The following ZBTB16 variants were observed in gnomAD, a reference collection of about 807,000 sequenced individuals.
ZBTB16 encodes the protein zinc finger and BTB domain-containing protein 16.
ZBTB16 carries 8 observed loss-of-function variants against 56.8 expected under a neutral mutation model. The observed-to-expected ratio is 0.14, with a 90% confidence interval of 0.08 to 0.25. ZBTB16 has a LOEUF of 0.25. Ranked by LOEUF, ZBTB16 falls within the 10% of genes least tolerant of loss-of-function variation. The pLI, the probability that ZBTB16 is intolerant of heterozygous loss-of-function variation, is 1.00. For missense variants in ZBTB16, 625 were observed against 903.0 expected (o/e 0.69, Z 3.95); for synonymous variants, 363 against 368.5 (o/e 0.98, Z 0.17).
intron 2 of ZBTB16, among the ~76,000 whole-genome samples, chr11:114,141,310 T>C (rs1034207868): frequency 6.6e-6 from 1 of 152,172 alleles, no homozygotes; most frequent in Admixed American, 6.5e-5. Context: ...TCTCACCATA[T>C]CCTCAGACCG....
In ZBTB16 at chr11:114,110,011, A is replaced by G. The variant is rs74913651; in HGVS notation, c.1268+45443A>G. Reference sequence around the variant, plus strand: ...TTCAACTCCTTTGAGGGCCTTCAACATCTATTTAACGTTGTAACATTTTGA... The same window carrying G: ...TTCAACTCCTTTGAGGGCCTTCAACGTCTATTTAACGTTGTAACATTTTGA... On this transcript the variant is annotated intron_variant, in intron 2 of 6. Coordinates refer to ENST00000335953, the MANE Select transcript of ZBTB16 (RefSeq NM_006006.6). 7.5e-3 allele frequency among the ~76,000 whole-genome samples: 1,148 copies of G among 152,204 alleles called. 15 individuals are homozygous for G. The highest frequency in any genetic ancestry group is 0.025 in the African/African-American group (1,026 of 41,526).
intron 4 of ZBTB16, among the ~76,000 whole-genome samples, chr11:114,195,448 G>T (rs1456449248): frequency 6.6e-6 from 1 of 152,174 alleles, no homozygotes. Context: ...ATGGGCAAAT[G>T]ACTGCCTGGG....
intron 2 of ZBTB16, among the ~76,000 whole-genome samples, chr11:114,094,761 A>C (rs1008661168): frequency 1.3e-5 from 2 of 152,240 alleles, no homozygotes; most frequent in African/African-American, 4.8e-5. Context: ...TTTGCCCCTC[A>C]ATCAGAGGCA....
At chr11:114,134,215 T>C (rs1488963692) in intron 2 of ZBTB16, among the ~76,000 whole-genome samples, 2 of 152,222 alleles carry the variant, frequency 1.3e-5, no homozygotes, top group Non-Finnish European at 1.5e-5. Flanking sequence ...CTGGTGTTTG[T>C]CTTGGCGCCA....
rs528657585 is a variant in ZBTB16 at position 114,250,420 on chromosome 11, C to T, written c.1887C>T (p.Pro629=). 6.2e-7 allele frequency: 1 copy of T among 1,614,168 alleles called. No homozygotes were observed. Among genetic ancestry groups the T allele is most frequent in the East Asian group, 2.2e-5 (1 of 44,864 alleles). The change falls in exon 7 of 7, where the codon CCC becomes CCT. Residue 629 remains proline (P), a synonymous_variant. Transcript: ENST00000335953. The surrounding 1 kb of genome is among the most constrained non-coding windows in gnomAD (Gnocchi z 6.0). ...TGAGAACGCACAACGGCGCCTCGCC[C>T]TACCAGTGCACCATCTGCACAGAGT... ...KHLRTHNGAS[P]YQCTICTEYC... is the part of the protein sequence containing the mutation.
chr11:114,246,442 T>C (rs1374577614), intron 5 of ZBTB16, among the ~76,000 whole-genome samples: 1 of 151,406 alleles, frequency 6.6e-6, no homozygotes, highest in Non-Finnish European at 1.5e-5. Context: ...TTAAGTTTGT[T>C]GCCATGATCA....
At chr11:114,148,782 C>T (rs1361255278) in intron 2 of ZBTB16, among the ~76,000 whole-genome samples, 4 of 151,832 alleles carry the variant, frequency 2.6e-5, no homozygotes, top group Non-Finnish European at 4.4e-5. Context: ...CGTGAGCCAC[C>T]GCGCCCGCCT....
rs1944945559 is a variant in ZBTB16 at position 114,253,160 on chromosome 11, T to A, written c.*2605T>A. Among the ~76,000 whole-genome samples, 1 of 152,104 alleles carries A rather than the reference T, an allele frequency of 6.6e-6. No homozygotes were observed. Among genetic ancestry groups the A allele is most frequent in the Non-Finnish European group, 1.5e-5 (1 of 68,022 alleles). On this transcript the variant is annotated 3_prime_UTR_variant, in exon 7 of 7. Coordinates refer to ENST00000335953, the MANE Select transcript of ZBTB16 (RefSeq NM_006006.6). ...TGTAAATCCCAGAAAACAGTATTTT[T>A]AACAGCAAGATGTCATTCAACATTG...
intron 4 of ZBTB16, among the ~76,000 whole-genome samples, chr11:114,201,330 A>G (rs1027844495): frequency 3.3e-5 from 5 of 152,116 alleles, no homozygotes; most frequent in African/African-American, 1.2e-4. Context: ...ACACCTTGGC[A>G]TCTCATTGGA....
intron 2 of ZBTB16, among the ~76,000 whole-genome samples, chr11:114,096,188 T>C (rs1940399306): frequency 6.6e-6 from 1 of 152,182 alleles, no homozygotes; most frequent in Non-Finnish European, 1.5e-5. Context: ...GCACCTAAAA[T>C]TGCCTTTTCC....
intron 3 of ZBTB16, among the ~76,000 whole-genome samples, chr11:114,156,996 G>A (rs988912490): frequency 2.0e-5 from 3 of 152,200 alleles, no homozygotes; most frequent in Admixed American, 1.3e-4. Context: ...TGTTCTTGGT[G>A]GAGGGAAGGA....
chr11:114,162,809 C>T (rs749948400), intron 3 of ZBTB16, among the ~76,000 whole-genome samples: 13 of 152,154 alleles, frequency 8.5e-5, no homozygotes, highest in Non-Finnish European at 1.3e-4. Context: ...ATGGGTGATG[C>T]GGATGCAGAG....
At chr11:114,192,661 T>C (rs1458588215) in intron 4 of ZBTB16, among the ~76,000 whole-genome samples, 1 of 152,200 alleles carries the variant, frequency 6.6e-6, no homozygotes, top group Non-Finnish European at 1.5e-5. Flanking sequence ...AGTCAGCATC[T>C]CCCTAGCTCA....
At chr11:114,248,248 A>G (rs991439211) in intron 6 of ZBTB16, among the ~76,000 whole-genome samples, 1 of 152,232 alleles carries the variant, frequency 6.6e-6, no homozygotes, top group African/African-American at 2.4e-5. Context: ...GTTTTCCCTG[A>G]GGTCAAAAGA....
intron 2 of ZBTB16, among the ~76,000 whole-genome samples, chr11:114,089,688 C>T (rs537195980): frequency 2.6e-5 from 4 of 152,318 alleles, no homozygotes; most frequent in African/African-American, 7.2e-5. Context: ...GACCTAGCTA[C>T]GGTCCTCATG....
chr11:114,247,408 G>A (rs1253440754), intron 6 of ZBTB16, 43 bp downstream of exon 6: 1 of 1,612,820 alleles, frequency 6.2e-7, no homozygotes, highest in Non-Finnish European at 8.5e-7. Flanking sequence ...TCTGGGACCT[G>A]GGCGGAGGTG....
chr11:114,093,124 G>A (rs1020408786), intron 2 of ZBTB16, among the ~76,000 whole-genome samples: 6 of 152,124 alleles, frequency 3.9e-5, no homozygotes, highest in African/African-American at 1.4e-4. Flanking sequence ...TTCAGTGGCC[G>A]AGTCTACATG....
chr11:114,103,421 A>T (rs116298820), intron 2 of ZBTB16, among the ~76,000 whole-genome samples: 327 of 152,114 alleles, frequency 2.1e-3, no homozygotes, highest in African/African-American at 7.6e-3. Flanking sequence ...TTTTTTTGTG[A>T]GTACCGTCCG....
In ZBTB16 at chr11:114,059,838, C is replaced by G. The variant is rs926913710; in HGVS notation, c.-135C>G. 5.0e-6 allele frequency: 2 copies of G among 397,952 alleles called. No homozygotes were observed. Among genetic ancestry groups the G allele is most frequent in the African/African-American group, 2.1e-5 (1 of 48,572 alleles). 24.7% of individuals were successfully genotyped at this position (397,952 alleles called of 1,614,324 possible). A position where few individuals can be genotyped will look rare whatever the true frequency, so the allele number is the denominator to read the frequency against. ...CCTCCCCGACACAGGCACACACCCC[C>G]CGACAGGCACGCACACCCACCCCAC... On this transcript the variant is annotated 5_prime_UTR_variant, in exon 1 of 7. Transcript: ENST00000335953. This position sits in a 1 kb window ranked among gnomAD's most constrained non-coding sequence, Gnocchi z 5.3.
Sources: allele counts gnomAD v4.1 joint callset (sites outside exome capture counted in the v4.1 genomes callset), GRCh38; gene constraint gnomAD v4.1.1; non-coding constraint Gnocchi (gnomAD v3.1); transcripts MANE v1.5; gene names NCBI Gene and HGNC (gene_info 2026-07-23, HGNC 2026-07-21).